ARMH3: variants seen among roughly 807,000 people sequenced by gnomAD.
ARMH3 encodes armadillo like helical domain containing 3, also known as armadillo-like helical domain-containing protein 3.
ARMH3 carries 60 observed loss-of-function variants against 99.1 expected under a neutral mutation model. The observed-to-expected ratio is 0.61, with a 90% CI of 0.49 to 0.75. ARMH3 has a LOEUF of 0.75. ARMH3 is among the 30% of genes least tolerant of loss of function. ARMH3 has a pLI of 0.00. For synonymous variants in ARMH3, 285 were observed against 292.8 expected (o/e 0.97, Z 0.27); for missense variants, 679 against 843.1 (o/e 0.81, Z 2.41).
intron 9 of ARMH3, among the ~76,000 whole-genome samples, chr10:102,013,138 G>A (rs995019390): frequency 5.3e-5 from 8 of 152,302 alleles, no homozygotes; most frequent in African/African-American, 1.9e-4. Flanking sequence ...AGCCCAGATT[G>A]TTGACAATTT....
intron 23 of ARMH3, among the ~76,000 whole-genome samples, chr10:101,908,094 A>C (rs1446863784): frequency 2.6e-5 from 4 of 151,964 alleles, no homozygotes; most frequent in African/African-American, 9.7e-5. Flanking sequence ...CTGAATTTTA[A>C]ATTTTATTAA....
intron 25 of ARMH3, 68 bp downstream of exon 25, chr10:101,849,708 A>T (rs1472535224): frequency 2.2e-6 from 3 of 1,346,772 alleles, no homozygotes; most frequent in Non-Finnish European, 3.2e-6. Flanking sequence ...TAAACTGCAG[A>T]TAAACTGCAG....
intron 15 of ARMH3, among the ~76,000 whole-genome samples, chr10:101,997,827 AG>A (rs1205843696): frequency 6.6e-6 from 1 of 152,200 alleles, no homozygotes; most frequent in Non-Finnish European, 1.5e-5. Context: ...TAAATATATA[AG>A]AAAAAGGAAA....
intron 1 of ARMH3, among the ~76,000 whole-genome samples, chr10:102,054,304 G>A (rs2067784141): frequency 1.3e-5 from 2 of 151,682 alleles, no homozygotes; most frequent in South Asian, 4.1e-4. Flanking sequence ...CAGAAGAATC[G>A]CTGGAACCCG....
rs773605494 is a variant in ARMH3, at chr10:101,889,395, G to T, written c.1860+17C>A. The stretch of plus-strand genomic sequence containing the variant: ...CCTAGCCACCAACTAGGTCATCTGG[G>T]GAAAGTAGTGGCTTACCTGCTCCTC... On this transcript the variant is annotated intron_variant, in intron 24 of 25. Coordinates refer to ENST00000370033, the MANE Select transcript of ARMH3 (RefSeq NM_024541.3). The T allele has an allele frequency of 6.2e-7, 1 of 1,602,894 alleles. No homozygotes were observed. The highest frequency in any genetic ancestry group is 1.1e-5 in the South Asian group (1 of 90,854).
intron 17 of ARMH3, among the ~76,000 whole-genome samples, chr10:101,992,491 A>G (rs1460737468): frequency 1.3e-5 from 2 of 148,464 alleles, no homozygotes; most frequent in African/African-American, 4.9e-5. Context: ...TCTAAACCTC[A>G]ATGTAATTTT....
rs1204115546 is a variant in ARMH3 at position 101,861,724 on chromosome 10, C to T, written c.1861-11832G>A. ...CAGGCTGGGCAACAGAGCGAGACTC[C>T]GTCTCAAAAAAAAAAAAAAAAAAAA... On this transcript the variant is annotated intron_variant, in intron 24 of 25. Coordinates refer to ENST00000370033, the MANE Select transcript of ARMH3 (RefSeq NM_024541.3). 2.4e-4 allele frequency among the ~76,000 whole-genome samples: 29 copies of T among 118,396 alleles called. No individual in the cohort carries two copies. In the South Asian group the frequency reaches 5.8e-3, roughly 24 times the overall value. 77.7% of individuals were successfully genotyped at this position (118,396 alleles called of 152,430 possible).
At chr10:101,955,388 T>G (rs1844984322) in intron 22 of ARMH3, among the ~76,000 whole-genome samples, 1 of 152,074 alleles carries the variant, frequency 6.6e-6, no homozygotes, top group Non-Finnish European at 1.5e-5. Context: ...TAAGTCCGAG[T>G]TTTCTGATAC....
intron 24 of ARMH3, 147 bp downstream of exon 24, chr10:101,889,265 C>G (rs1196817110): frequency 1.3e-6 from 1 of 792,428 alleles, no homozygotes; most frequent in East Asian, 2.4e-5. Context: ...AAAGTACTAT[C>G]AACCAACCCC....
chr10:102,001,125 T>C (rs897352937), intron 15 of ARMH3, among the ~76,000 whole-genome samples: 3 of 152,186 alleles, frequency 2.0e-5, no homozygotes, highest in Non-Finnish European at 4.4e-5. Context: ...CCAGTGATGA[T>C]GGTTGTACAA....
chr10:101,996,998 C>T (rs866100793), intron 15 of ARMH3, among the ~76,000 whole-genome samples: 1 of 152,282 alleles, frequency 6.6e-6, no homozygotes, highest in African/African-American at 2.4e-5. Flanking sequence ...GGCTCAGTGG[C>T]TCACACCTCT....
At chr10:101,956,458 T>C in intron 22 of ARMH3, 139 bp downstream of exon 22, 4 of 1,110,536 alleles carry the variant, frequency 3.6e-6, no homozygotes, top group Non-Finnish European at 5.0e-6. Flanking sequence ...TCCTATTGCC[T>C]GAGAAGAGGA....
At chr10:101,958,713 TGCTTCTTTGCCAGCAAAGAAGTTC>T (rs1845152229) in intron 20 of ARMH3, among the ~76,000 whole-genome samples, 1 of 152,094 alleles carries the variant, frequency 6.6e-6, no homozygotes, top group African/African-American at 2.4e-5. Flanking sequence ...GGACCATATC[TGCTTCTTTGCCAGCAAAGAAGTTC>T]ATTCTCCCAT....
intron 24 of ARMH3, among the ~76,000 whole-genome samples, chr10:101,875,300 C>A (rs1008608845): frequency 1.3e-5 from 2 of 151,928 alleles, no homozygotes; most frequent in Admixed American, 6.6e-5. Context: ...CAGACCTCAT[C>A]GAGTGAGCAT....
chr10:101,932,481 T>C (rs1037480296), intron 23 of ARMH3, among the ~76,000 whole-genome samples: 3 of 152,178 alleles, frequency 2.0e-5, no homozygotes, highest in African/African-American at 7.2e-5. Flanking sequence ...ACACTAGCAT[T>C]AGTCACAATA....
At chr10:101,893,158 C>T (rs1390056851) in intron 23 of ARMH3, among the ~76,000 whole-genome samples, 1 of 152,166 alleles carries the variant, frequency 6.6e-6, no homozygotes, top group Admixed American at 6.5e-5. Flanking sequence ...CTGATCCTAG[C>T]AGCAGCACCA....
At chr10:102,000,296 G>A (rs992542670) in intron 15 of ARMH3, among the ~76,000 whole-genome samples, 4 of 152,066 alleles carry the variant, frequency 2.6e-5, no homozygotes, top group African/African-American at 9.7e-5. Context: ...GAAATCAAAG[G>A]CTTACTTCCA....
At chr10:101,895,037 A>G (rs1027484776) in intron 23 of ARMH3, among the ~76,000 whole-genome samples, 5 of 152,186 alleles carry the variant, frequency 3.3e-5, no homozygotes, top group Non-Finnish European at 7.3e-5. Context: ...GAGAAAATAC[A>G]GGAAGGTTTG....
intron 15 of ARMH3, among the ~76,000 whole-genome samples, chr10:101,996,077 A>C (rs1287612989): frequency 6.6e-6 from 1 of 152,242 alleles, no homozygotes; most frequent in East Asian, 1.9e-4. Context: ...CTCTAAGCCC[A>C]CACACAAAAG....
Sources: gnomAD v4.1 joint callset for allele counts (sites outside exome capture counted in the v4.1 genomes callset) on GRCh38, gnomAD v4.1.1 for gene constraint, MANE v1.5 for transcripts, NCBI Gene and HGNC (gene_info 2026-07-23, HGNC 2026-07-21) for gene names.